The following GRHL3 variants were observed in gnomAD, a reference collection of about 807,000 sequenced individuals.
The protein encoded by GRHL3 is grainyhead-like protein 3 homolog.
In GRHL3, 20 loss-of-function variants were observed where a neutral mutation model predicts 70.3. That is an observed-to-expected ratio of 0.28 (90% CI 0.20 to 0.41). The LOEUF (loss-of-function observed/expected upper bound fraction) is 0.41, where lower values mean the gene tolerates loss of function less well. GRHL3 is among the 10% of genes least tolerant of loss of function. The pLI, the probability that GRHL3 is intolerant of heterozygous loss-of-function variation, is 1.00. For synonymous variants in GRHL3, 299 were observed against 299.9 expected (o/e 1.00, Z 0.03); for missense variants, 637 against 762.3 (o/e 0.84, Z 1.94).
chr1:24,334,685 G>T lies in GRHL3; in HGVS notation c.245G>T (p.Gly82Val). The T allele has an allele frequency of 1.2e-6, 2 of 1,611,088 alleles. No homozygotes were observed. Among genetic ancestry groups the T allele is most frequent in the Non-Finnish European group, 1.7e-6 (2 of 1,179,058 alleles). Reference sequence around the variant, plus strand: ...CGGATATTGTCCTCCAGCACTGGGGGCAGGAATGACCAAGGAAAGAGGTGA... The same window carrying T: ...CGGATATTGTCCTCCAGCACTGGGGTCAGGAATGACCAAGGAAAGAGGTGA... ...EKRILSSSTG[G>V]RNDQGKRYYH... The change falls in exon 3 of 16, where the codon GGC becomes GTC. Residue 82 changes from glycine (G) to valine (V), a missense_variant. Transcript: ENST00000361548. The surrounding 1 kb of genome is among the most constrained non-coding windows in gnomAD (Gnocchi z 4.3).
chr1:24,353,358 A>C (rs1482371803), intron 15 of GRHL3, among the ~76,000 whole-genome samples: 2 of 152,052 alleles, frequency 1.3e-5, no homozygotes, highest in Non-Finnish European at 2.9e-5. Flanking sequence ...GATGAATGGG[A>C]AGATGACGGC....
At chr1:24,328,039 ACT>A (rs1351470410) in intron 1 of GRHL3, among the ~76,000 whole-genome samples, 1 of 151,926 alleles carries the variant, frequency 6.6e-6, no homozygotes, top group African/African-American at 2.4e-5. Flanking sequence ...CTGACCAGAA[ACT>A]CTTCCAGTCA....
downstream of GRHL3, chr1:24,358,741 C>G: frequency 1.5e-6 from 1 of 673,892 alleles, no homozygotes; most frequent in Non-Finnish European, 2.6e-6. Flanking sequence ...GTATCTTACA[C>G]GTGGGGAGAC....
At chr1:24,345,080 CTA>C in intron 12 of GRHL3, 149 bp downstream of exon 12, 1 of 563,538 alleles carries the variant, frequency 1.8e-6, no homozygotes, top group Non-Finnish European at 3.3e-6. Flanking sequence ...TGTGCCCCCT[CTA>C]CACCTGTGCC....
chr1:24,337,031 A>G (rs781517884), intron 4 of GRHL3, 47 bp from the exon 5 acceptor site: 2 of 1,576,968 alleles, frequency 1.3e-6, no homozygotes, highest in Non-Finnish European at 1.7e-6. Context: ...GAGGCTTCCC[A>G]GAGTGAATGT....
At chr1:24,364,434 A>C in exon 16 of GRHL3, 1 of 1,464,552 alleles carries the variant, frequency 6.8e-7, no homozygotes, top group East Asian at 2.6e-5. Context: ...CTCTCAGCTC[A>C]GAGTATGTGG....
chr1:24,321,812 G>C lies in GRHL3; in HGVS notation c.17+2244G>C, dbSNP rs1639198862. On this transcript the variant is annotated intron_variant, in intron 1 of 15. Transcript: ENST00000361548. The surrounding 1 kb of genome is among the most constrained non-coding windows in gnomAD (Gnocchi z 4.0). ...CCGGCGGTGTAGTTAGAAACCAGCT[G>C]GAGGTGGCTGGCGGGTGCTGAGCGC... 6.6e-6 allele frequency: 1 copy of C among 152,278 alleles called. No homozygotes were observed. 9.4% of individuals were successfully genotyped at this position (152,278 alleles called of 1,614,324 possible).
At chr1:24,319,632 A>AG (rs2148640622) in intron 1 of GRHL3, 64 bp downstream of exon 1, 1 of 1,612,744 alleles carries the variant, frequency 6.2e-7, no homozygotes, top group African/African-American at 1.3e-5. Context: ...GGTTTCCTGG[A>AG]GGGGGAAGAG....
At chr1:24,331,792 G>A (rs1166546097) in intron 2 of GRHL3, among the ~76,000 whole-genome samples, 180 bp downstream of exon 2, 1 of 152,096 alleles carries the variant, frequency 6.6e-6, no homozygotes, top group Non-Finnish European at 1.5e-5. Flanking sequence ...TCTCAACTTG[G>A]GGTCTCAGCT....
chr1:24,360,730 A>C, intron 15 of GRHL3: 1 of 873,786 alleles, frequency 1.1e-6, no homozygotes, highest in Non-Finnish European at 1.7e-6. Context: ...TTCCAAATCT[A>C]CCCTCATCCC....
downstream of GRHL3, chr1:24,357,785 T>A (rs1258353847): frequency 5.1e-6 from 1 of 196,240 alleles, no homozygotes; most frequent in Non-Finnish European, 1.1e-5. Context: ...ACGAAAGCTA[T>A]CAGGCCTAGA....
At chr1:24,328,399 G>GT (rs1414799122) in intron 1 of GRHL3, among the ~76,000 whole-genome samples, 2 of 152,232 alleles carry the variant, frequency 1.3e-5, no homozygotes, top group Non-Finnish European at 2.9e-5. Flanking sequence ...TTTGCCAGTG[G>GT]TAAGTGTTTA....
Position 24,322,443 on chromosome 1 carries a change from C to T in GRHL3, c.17+2875C>T, listed in dbSNP as rs1320450120. The stretch of plus-strand genomic sequence containing the variant: ...GTTTTGTGGTCGAAACCATGATTGC[C>T]AGGAGCAAATTTTTGTCGTGCACGA... On this transcript the variant is annotated intron_variant, in intron 1 of 15. Coordinates refer to ENST00000361548, the MANE Select transcript of GRHL3 (RefSeq NM_198173.3). The surrounding 1 kb of genome is among the most constrained non-coding windows in gnomAD (Gnocchi z 4.4). 6.6e-6 allele frequency among the ~76,000 whole-genome samples: 1 copy of T among 152,234 alleles called. No individual in the cohort carries two copies. The highest frequency in any genetic ancestry group is 1.5e-5 in the Non-Finnish European group (1 of 68,046).
intron 2 of GRHL3, among the ~76,000 whole-genome samples, chr1:24,333,082 G>C (rs1557694583): frequency 6.6e-6 from 1 of 152,218 alleles, no homozygotes; most frequent in Non-Finnish European, 1.5e-5. Context: ...TTGTCCCCTT[G>C]GCAAGAAGCC....
downstream of GRHL3, among the ~76,000 whole-genome samples, chr1:24,359,509 T>C (rs533710147): frequency 6.6e-6 from 1 of 152,320 alleles, no homozygotes; most frequent in East Asian, 1.9e-4. The surrounding 1 kb of genome is among the most constrained non-coding windows in gnomAD (Gnocchi z 5.3). Flanking sequence ...TATCACCACA[T>C]TTGCAAGGCC....
At chr1:24,363,541 G>C (rs781641452) in intron 15 of GRHL3, among the ~76,000 whole-genome samples, 15 of 152,182 alleles carry the variant, frequency 9.9e-5, no homozygotes, top group Non-Finnish European at 1.3e-4. Flanking sequence ...CTTAGAAAAG[G>C]CTCTTAACCT....
At position 24,321,477 on chromosome 1, in the gene GRHL3, T is replaced by C. The variant is rs1639183568; in HGVS notation, c.17+1909T>C. Among the ~76,000 whole-genome samples, 1 of 152,186 alleles carries C rather than the reference T, an allele frequency of 6.6e-6. No homozygotes were observed. The highest frequency in any genetic ancestry group is 6.5e-5 in the Admixed American group (1 of 15,286). On this transcript the variant is annotated intron_variant, in intron 1 of 15. Transcript: ENST00000361548. The surrounding 1 kb of genome is among the most constrained non-coding windows in gnomAD (Gnocchi z 4.0). ...CGACATTCTCCTAAAAAGTGCCAAG[T>C]TAAGAGGACTGGCCATAGCTTACAG...
chr1:24,354,530 A>ACGTCCCTGCTGGCCCCTT lies in GRHL3; in HGVS notation c.*42_*43insCGTCCCTGCTGGCCCCTT. The ACGTCCCTGCTGGCCCCTT allele has an allele frequency of 7.7e-7, 1 of 1,298,888 alleles. No individual in the cohort carries two copies. Among genetic ancestry groups the ACGTCCCTGCTGGCCCCTT allele is most frequent in the Non-Finnish European group, 1.1e-6 (1 of 893,292 alleles). The allele number at this position is 1,298,888 out of a possible 1,614,324, so 80.5% of individuals were successfully genotyped here. On this transcript the variant is annotated 3_prime_UTR_variant, in exon 16 of 16. Transcript: ENST00000361548. ...AAACCCTCACGACCTGCAAGGGGCC[A>ACGTCCCTGCTGGCCCCTT]GCAGGGACGTGGCCCCACGCCACAC...
chr1:24,341,731 C>T (rs1269012959), intron 8 of GRHL3, among the ~76,000 whole-genome samples: 1 of 152,140 alleles, frequency 6.6e-6, no homozygotes, highest in Non-Finnish European at 1.5e-5. Context: ...ACCTCCTTGT[C>T]CTGAGTTGCA....
Sources: gnomAD v4.1 joint callset for allele counts (sites outside exome capture counted in the v4.1 genomes callset) on GRCh38, gnomAD v4.1.1 for gene constraint, Gnocchi (gnomAD v3.1) non-coding constraint, MANE v1.5 for transcripts, NCBI Gene and HGNC (gene_info 2026-07-23, HGNC 2026-07-21) for gene names.